Variants in SCRIB observed in about 807,000 individuals in gnomAD.
SCRIB encodes protein scribble homolog.
In SCRIB, 72 loss-of-function variants were observed where a neutral mutation model predicts 170.0. The observed-to-expected ratio is 0.42, with a 90% CI of 0.35 to 0.52. The LOEUF is 0.52. SCRIB is among the 20% of genes least tolerant of loss of function. SCRIB has a pLI of 0.02. For synonymous variants in SCRIB, 1,298 were observed against 1,044.3 expected (o/e 1.24, Z -4.68); for missense variants, 2,475 against 2,338.5 (o/e 1.06, Z -1.20).
In SCRIB at chr8:143,809,697, A is replaced by G. The variant is rs375128986; in HGVS notation, c.1552T>C (p.Ser518Pro). 19 of 1,609,744 alleles carry G rather than the reference A, an allele frequency of 1.2e-5. No individual in the cohort carries two copies. The highest frequency in any genetic ancestry group is 7.6e-6 in the Non-Finnish European group (9 of 1,179,780). ...AEEEKRLSAESGLSEDSRPSA... is the reference protein window; with the variant it reads ...AEEEKRLSAEPGLSEDSRPSA... Reference sequence around the variant, plus strand: ...GGGCGAGAGTCTTCACTCAGGCCAGACTCGGCACTCAGCCGCTTCTCCTGC... The same window carrying G: ...GGGCGAGAGTCTTCACTCAGGCCAGGCTCGGCACTCAGCCGCTTCTCCTGC... The change falls in exon 14 of 37, where the codon TCT becomes CCT. Residue 518 changes from serine (S) to proline (P), a missense_variant. Physicochemically the swap from Ser to Pro is moderately conservative, Grantham distance 74 (BLOSUM62 -1). This residue lies in a region of SCRIB where 1,966 missense variants were observed against 1,742.9 expected (regional missense o/e 1.13). Transcript: ENST00000356994.
chr8:143,799,308 G>A (rs1054364838), intron 24 of SCRIB, among the ~76,000 whole-genome samples: 1 of 152,190 alleles, frequency 6.6e-6, no homozygotes, highest in East Asian at 1.9e-4. Flanking sequence ...CCAAAAGAAA[G>A]GGCAGTCTCT....
Position 143,791,562 on chromosome 8 carries a change from A to T in SCRIB, c.4770+104T>A. Reference sequence around the variant, plus strand: ...GGCTGAAGGGGGAGGGGGGGTGAAGAGGCAGGGCCACGGCAGAGCGTGGGG... The same window carrying T: ...GGCTGAAGGGGGAGGGGGGGTGAAGTGGCAGGGCCACGGCAGAGCGTGGGG... On this transcript the variant is annotated intron_variant, in intron 35 of 36. Coordinates refer to ENST00000356994, the MANE Select transcript of SCRIB (RefSeq NM_182706.5). 3.2e-6 allele frequency: 5 copies of T among 1,543,804 alleles called. No individual in the cohort carries two copies. In the South Asian group the frequency reaches 5.6e-5, roughly 17 times the overall value.
intron 24 of SCRIB, among the ~76,000 whole-genome samples, chr8:143,797,836 C>T (rs1251791287): frequency 6.6e-6 from 1 of 152,268 alleles, no homozygotes; most frequent in African/African-American, 2.4e-5. Flanking sequence ...TCGGGCCGCG[C>T]CCTTCCACGA....
Position 143,804,784 on chromosome 8 carries a change from G to A in SCRIB, c.2793C>T (p.Ala931=), listed in dbSNP as rs781821808. 14 of 1,600,664 alleles carry A rather than the reference G, an allele frequency of 8.7e-6. No homozygotes were observed. The highest frequency in any genetic ancestry group is 3.3e-5 in the South Asian group (3 of 89,564). The stretch of plus-strand genomic sequence containing the variant: ...GGGAGGCAGCGGTCAGCAGGGAGAC[G>A]GCGTGGTCATGCCTGGCCTCAGTCA... ...VDVTEARHDH[A]VSLLTAASPT... is the part of the protein sequence containing the mutation. The change falls in exon 21 of 37, where the codon GCC becomes GCT. Residue 931 remains alanine (A), a synonymous_variant. Coordinates refer to ENST00000356994, the MANE Select transcript of SCRIB (RefSeq NM_182706.5).
At chr8:143,809,110 C>A in intron 14 of SCRIB, 85 bp from the exon 15 acceptor site, 5 of 1,475,668 alleles carry the variant, frequency 3.4e-6, no homozygotes, top group Non-Finnish European at 3.6e-6. Flanking sequence ...TGGCCACAGA[C>A]GGGCTCCGAA....
intron 24 of SCRIB, among the ~76,000 whole-genome samples, chr8:143,796,429 G>A (rs1303341932): frequency 6.6e-6 from 1 of 152,136 alleles, no homozygotes; most frequent in Non-Finnish European, 1.5e-5. Flanking sequence ...AAACACAGCT[G>A]AAATGGTAAG....
chr8:143,800,830 T>C (rs1815142782), intron 24 of SCRIB, among the ~76,000 whole-genome samples: 1 of 152,274 alleles, frequency 6.6e-6, no homozygotes. Flanking sequence ...GTGCAGCGAC[T>C]GTGCCGCTAC....
intron 24 of SCRIB, among the ~76,000 whole-genome samples, chr8:143,795,784 G>A (rs1223149983): frequency 6.6e-6 from 1 of 152,228 alleles, no homozygotes; most frequent in Non-Finnish European, 1.5e-5. Context: ...GTCTGCACTA[G>A]GCAAGACTGT....
In SCRIB at chr8:143,811,237, C is replaced by T. The variant is rs759452520; in HGVS notation, c.1015G>A (p.Val339Ile). 6 of 1,610,906 alleles carry T rather than the reference C, an allele frequency of 3.7e-6. No homozygotes were observed. The highest frequency in any genetic ancestry group is 1.3e-5 in the African/African-American group (1 of 74,894). ...AGGCGGTTGTCCCTCAAGGAGAGGA[C>T]GCTGAGTGCCACACAGCCCCCGATC... Reference protein sequence around the residue: ...PEIGGCVALSVLSLRDNRLAV... With the variant: ...PEIGGCVALSILSLRDNRLAV... Residue 339 changes from valine to isoleucine, a missense_variant, in exon 10 of 37, where the codon GTC (valine) becomes ATC (isoleucine). By Grantham distance (29) the Val-to-Ile change is conservative. Transcript: ENST00000356994.
rs535838713 is a variant in SCRIB at position 143,798,616 on chromosome 8, G to A, written c.3604-3086C>T. On this transcript the variant is annotated intron_variant, in intron 24 of 36. Transcript: ENST00000356994. The stretch of plus-strand genomic sequence containing the variant: ...ACACTCAGTTAATTTTGAAATTAAG[G>A]AATTAAGGAAAGATTTTATGAGAAA... 5.3e-5 allele frequency among the ~76,000 whole-genome samples: 8 copies of A among 152,314 alleles called. No homozygotes were observed. In the South Asian group the frequency reaches 1.2e-3, roughly 24 times the overall value.
At chr8:143,805,518 C>T (rs886122129) in intron 18 of SCRIB, 83 bp from the exon 19 acceptor site, 18 of 1,324,378 alleles carry the variant, frequency 1.4e-5, no homozygotes, top group East Asian at 5.5e-5. Context: ...ACGCTCCCTC[C>T]AGGATGGGGA....
rs1554633872 is a variant in SCRIB at position 143,795,317 on chromosome 8, C to T, written c.3731G>A (p.Gly1244Glu). 6.2e-7 allele frequency: 1 copy of T among 1,612,802 alleles called. No homozygotes were observed. Among genetic ancestry groups the T allele is most frequent in the Admixed American group, 1.7e-5 (1 of 60,020 alleles). The change falls in exon 26 of 37, where the codon GGA (glycine) becomes GAA (glutamate). Residue 1244 changes from glycine to glutamate, a missense_variant. By Grantham distance (98) the Gly-to-Glu change is moderately conservative. Around this residue, in one of 3 missense-constraint regions of SCRIB, gnomAD observed 1,966 missense variants for 1,742.9 expected, o/e 1.13. Transcript: ENST00000356994. ...CTCGGGCCCCCAGTGCAGGGTCTGT[C>T]CAGGCAGCTCCTTCTCCTGTGAGCA... ...EGPGKEKELPGQTLHWGPEAT... is the reference protein window; with the variant it reads ...EGPGKEKELPEQTLHWGPEAT...
chr8:143,803,245 G>A (rs146877831), intron 24 of SCRIB, 138 bp downstream of exon 24: 348 of 814,348 alleles, frequency 4.3e-4, no homozygotes, highest in Middle Eastern at 7.6e-4. Flanking sequence ...CAGCCCGCAC[G>A]GCTGATGCAG....
In SCRIB at chr8:143,815,463, G is replaced by A. The variant is rs1195114554; in HGVS notation, c.-91C>T. ...TCAGTCCGCATGGGCGCCGCGCATG[G>A]GGAGGGGGCGCAGGCAGGGGGCGGG... is the stretch of plus-strand genomic sequence containing the variant. On this transcript the variant is annotated 5_prime_UTR_variant, in exon 1 of 37. Transcript: ENST00000356994. 1.8e-6 allele frequency: 2 copies of A among 1,093,198 alleles called. No individual in the cohort carries two copies. The highest frequency in any genetic ancestry group is 5.2e-5 in the Admixed American group (1 of 19,084). The allele number at this position is 1,093,198 out of a possible 1,614,324, so 67.7% of individuals were successfully genotyped here.
chr8:143,793,877 A>G, intron 28 of SCRIB, 23 bp downstream of exon 28: 1 of 1,611,650 alleles, frequency 6.2e-7, no homozygotes, highest in Non-Finnish European at 8.5e-7. Context: ...CATGGGGCAC[A>G]CCCGTTAACT....
rs1554633021 is a variant in SCRIB at position 143,792,335 on chromosome 8, G to A, written c.4399C>T (p.His1467Tyr). ...PVRTAKAERR[H>Y]QERLRVQSPE... Reference sequence around the variant, plus strand: ...CTCTGCACGCGCAGCCGCTCCTGGTGGCGCCGTTCAGCTTTGGCCGTCCGC... The same window carrying A: ...CTCTGCACGCGCAGCCGCTCCTGGTAGCGCCGTTCAGCTTTGGCCGTCCGC... The change falls in exon 32 of 37, where the codon CAC (histidine) becomes TAC (tyrosine). Residue 1467 changes from histidine (H) to tyrosine (Y), a missense_variant. Around this residue, in one of 3 missense-constraint regions of SCRIB, gnomAD observed 1,966 missense variants for 1,742.9 expected, o/e 1.13. Transcript: ENST00000356994. The A allele has an allele frequency of 6.5e-7, 1 of 1,546,400 alleles. No homozygotes were observed. The highest frequency in any genetic ancestry group is 8.7e-7 in the Non-Finnish European group (1 of 1,152,498).
Position 143,811,405 on chromosome 8 carries a change from A to T in SCRIB, c.907-60T>A. 2.0e-6 allele frequency: 3 copies of T among 1,491,074 alleles called. 1 individual carries two copies. In the South Asian group the frequency reaches 3.5e-5, roughly 18 times the overall value. 92.4% of individuals were successfully genotyped at this position (1,491,074 alleles called of 1,614,324 possible). A position where few individuals can be genotyped will look rare whatever the true frequency, so the allele number is the denominator to read the frequency against. On this transcript the variant is annotated intron_variant, in intron 9 of 36. Transcript: ENST00000356994. ...GCTTGCTGGGGGTGGGAAGGAGATGACAGCCCCTGGCAGGAGGGCACAGAC... is the reference window on the plus strand; with the variant it reads ...GCTTGCTGGGGGTGGGAAGGAGATGTCAGCCCCTGGCAGGAGGGCACAGAC...
intron 24 of SCRIB, among the ~76,000 whole-genome samples, chr8:143,797,923 C>G (rs1317098102): frequency 6.6e-6 from 1 of 152,246 alleles, no homozygotes; most frequent in African/African-American, 2.4e-5. Context: ...GTTTTTGCAA[C>G]TTTTCTCTAA....
chr8:143,808,115 G>A (rs2130103878), intron 15 of SCRIB, among the ~76,000 whole-genome samples: 1 of 152,262 alleles, frequency 6.6e-6, no homozygotes, highest in South Asian at 2.1e-4. Context: ...ACACAAGAGA[G>A]GATCCCAGGA....
Sources: gnomAD v4.1 joint callset for allele counts (sites outside exome capture counted in the v4.1 genomes callset) on GRCh38, gnomAD v4.1.1 for gene constraint, gnomAD v4.1.1 regional missense constraint, MANE v1.5 for transcripts, NCBI Gene and HGNC (gene_info 2026-07-23, HGNC 2026-07-21) for gene names.